CCDC62: variants seen among roughly 807,000 people sequenced by gnomAD.
CCDC62 encodes coiled-coil domain-containing protein 62.
Under a neutral mutation model 80.8 loss-of-function variants are expected in CCDC62, and 72 were observed. That is an observed-to-expected ratio of 0.89 (90% CI 0.74 to 1.08). The LOEUF is 1.08. Among genes scored for constraint, CCDC62 ranks in the 50% least tolerant of loss-of-function variants. CCDC62 has a pLI of 0.00. For missense variants in CCDC62, 704 were observed against 809.4 expected (o/e 0.87, Z 1.58); for synonymous variants, 286 against 296.5 (o/e 0.96, Z 0.36).
chr12:122,792,265 G>C (rs2030671969), intron 6 of CCDC62, 144 bp downstream of exon 6: 1 of 593,224 alleles, frequency 1.7e-6, no homozygotes, highest in African/African-American at 1.9e-5. Context: ...CTGTCACCCA[G>C]GCTGGAGTGC....
chr12:122,780,594 A>G (rs1402757064), intron 2 of CCDC62, among the ~76,000 whole-genome samples: 1 of 151,508 alleles, frequency 6.6e-6, no homozygotes, highest in Non-Finnish European at 1.5e-5. Context: ...AGCCTGGACA[A>G]CAGAGCAAGA....
At position 122,826,794 on chromosome 12, in the gene CCDC62, A is replaced by T. The variant is rs1465521827; in HGVS notation, c.*413A>T. ...GTGCTGTTTTAACTATCTGATTTTTAAAAAATCTGTGCATACATTTAAATT... is the reference window on the plus strand; with the variant it reads ...GTGCTGTTTTAACTATCTGATTTTTTAAAAATCTGTGCATACATTTAAATT... On this transcript the variant is annotated 3_prime_UTR_variant, in exon 13 of 13. Transcript: ENST00000253079. 3 of 213,646 alleles carry T rather than the reference A, an allele frequency of 1.4e-5. No homozygotes were observed. Among genetic ancestry groups the T allele is most frequent in the Non-Finnish European group, 2.8e-5 (3 of 109,044 alleles). The allele number at this position is 213,646 out of a possible 1,614,324, so 13.2% of individuals were successfully genotyped here. A position where few individuals can be genotyped will look rare whatever the true frequency, so the allele number is the denominator to read the frequency against.
At chr12:122,777,168 C>A in intron 1 of CCDC62, 1 of 225,002 alleles carries the variant, frequency 4.4e-6, no homozygotes, top group Admixed American at 5.4e-5. Context: ...TATTGACTGG[C>A]AGAGAAAAGG....
chr12:122,817,325 G>T lies in CCDC62; in HGVS notation c.2001+3906G>T, dbSNP rs376265186. On this transcript the variant is annotated intron_variant, in intron 11 of 12. Coordinates refer to ENST00000253079, the MANE Select transcript of CCDC62 (RefSeq NM_201435.5). Reference sequence around the variant, plus strand: ...TCCACCCGCCTCGGCCTCCCAAAGTGCTGGGATTACAGGCATGAGCCACCA... The same window carrying T: ...TCCACCCGCCTCGGCCTCCCAAAGTTCTGGGATTACAGGCATGAGCCACCA... 2.0e-4 allele frequency among the ~76,000 whole-genome samples: 30 copies of T among 151,636 alleles called. 1 individual carries two copies. In the South Asian group the frequency reaches 4.4e-3, roughly 22 times the overall value.
At chr12:122,778,893 C>G (rs377622934) in intron 2 of CCDC62, among the ~76,000 whole-genome samples, 28 of 119,856 alleles carry the variant, frequency 2.3e-4, no homozygotes, top group African/African-American at 1.0e-3. Flanking sequence ...AAGAAAGAAA[C>G]AAACAAAAAA....
chr12:122,790,390 T>G (rs1041224875), intron 5 of CCDC62, among the ~76,000 whole-genome samples: 16 of 152,082 alleles, frequency 1.1e-4, no homozygotes, highest in Middle Eastern at 6.8e-3. Context: ...TGGCTGGGCA[T>G]GATGGCTCAC....
chr12:122,797,354 A>G lies in CCDC62; in HGVS notation c.820A>G (p.Lys274Glu), dbSNP rs780106765. The G allele has an allele frequency of 1.2e-6, 2 of 1,602,250 alleles. No homozygotes were observed. Among genetic ancestry groups the G allele is most frequent in the East Asian group, 2.2e-5 (1 of 44,772 alleles). The change falls in exon 7 of 13, where the codon AAG becomes GAG. Residue 274 changes from lysine to glutamate, a missense_variant. By Grantham distance (56) the Lys-to-Glu change is moderately conservative. Transcript: ENST00000253079. ...TGAATTGCTTAATATTGCGAAGTCA[A>G]AGCAAGAACGCACAAATTCAGAACT... ...KDELLNIAKS[K>E]QERTNSELHN...
At chr12:122,817,450 G>A (rs1412298122) in intron 11 of CCDC62, among the ~76,000 whole-genome samples, 3 of 151,766 alleles carry the variant, frequency 2.0e-5, no homozygotes, top group Middle Eastern at 3.4e-3. Context: ...TCAGCCTCCT[G>A]AGTAGCTGGG....
Position 122,777,607 on chromosome 12 carries a change from C to T in CCDC62, c.153C>T (p.His51=), listed in dbSNP as rs769051226. 7 of 1,613,972 alleles carry T rather than the reference C, an allele frequency of 4.3e-6. No individual in the cohort carries two copies. In the Admixed American group the frequency reaches 1.2e-4, roughly 27 times the overall value. Residue 51 remains histidine (H), a synonymous_variant, in exon 2 of 13, where the codon CAC becomes CAT. Transcript: ENST00000253079. The stretch of plus-strand genomic sequence containing the variant: ...AGCTCAATGACATGGTTGCAGTGCA[C>T]CAGCAACAGCTTCTTTCATGGGAAG... ...DKELNDMVAV[H]QQQLLSWEED... is the part of the protein sequence containing the mutation.
intron 1 of CCDC62, chr12:122,777,243 A>G: frequency 7.6e-6 from 3 of 394,560 alleles, no homozygotes; most frequent in Non-Finnish European, 1.4e-5. Flanking sequence ...TGGGTTTTAG[A>G]AACAGTCCCA....
chr12:122,790,494 T>C (rs953023614), intron 5 of CCDC62, among the ~76,000 whole-genome samples: 1 of 152,040 alleles, frequency 6.6e-6, no homozygotes, highest in Non-Finnish European at 1.5e-5. Context: ...GGCAGAACCC[T>C]GTCTCTACAA....
chr12:122,777,427 G>A, intron 1 of CCDC62, 64 bp from the exon 2 acceptor site: 1 of 1,404,786 alleles, frequency 7.1e-7, no homozygotes, highest in Non-Finnish European at 9.7e-7. Context: ...TTTGGAAAAT[G>A]GACTTTGGCT....
At chr12:122,814,992 C>T (rs374180614) in intron 11 of CCDC62, among the ~76,000 whole-genome samples, 20 of 151,886 alleles carry the variant, frequency 1.3e-4, no homozygotes, top group African/African-American at 2.4e-4. Context: ...CTGCCATGCC[C>T]ACTCTGTTTG....
chr12:122,790,229 T>G (rs2030517256), intron 5 of CCDC62, among the ~76,000 whole-genome samples: 1 of 152,132 alleles, frequency 6.6e-6, no homozygotes, highest in South Asian at 2.1e-4. Flanking sequence ...TTTTGTATTT[T>G]TAGTAGAGAC....
At chr12:122,823,532 GT>G (rs2032495015) in intron 12 of CCDC62, 73 bp downstream of exon 12, 2 of 774,590 alleles carry the variant, frequency 2.6e-6, no homozygotes, top group African/African-American at 1.7e-5. Context: ...CATCGATAAC[GT>G]TGAGTCAAGG....
chr12:122,814,770 A>G (rs1426443947), intron 11 of CCDC62, among the ~76,000 whole-genome samples: 1 of 151,812 alleles, frequency 6.6e-6, no homozygotes, highest in African/African-American at 2.4e-5. Context: ...GGCCTCCCAA[A>G]GTGTTGGGAT....
At position 122,816,932 on chromosome 12, in the gene CCDC62, A is replaced by G. The variant is rs539376595; in HGVS notation, c.2001+3513A>G. Among the ~76,000 whole-genome samples, 4 of 152,212 alleles carry G rather than the reference A, an allele frequency of 2.6e-5. No individual in the cohort carries two copies. The South Asian group carries it at 8.3e-4, about 32-fold the overall frequency. ...TTACCACAATCTACTTTCTGTCTCT[A>G]TGGATTTGTTGGACAGATAATTTTA... On this transcript the variant is annotated intron_variant, in intron 11 of 12. Coordinates refer to ENST00000253079, the MANE Select transcript of CCDC62 (RefSeq NM_201435.5).
intron 4 of CCDC62, among the ~76,000 whole-genome samples, chr12:122,788,142 G>A (rs553048521): frequency 1.3e-5 from 2 of 152,318 alleles, no homozygotes; most frequent in South Asian, 2.1e-4. Flanking sequence ...TTCCAGGTGA[G>A]TGGGGGAGGG....
chr12:122,789,933 A>G (rs190345452), intron 5 of CCDC62, among the ~76,000 whole-genome samples: 7,551 of 142,336 alleles, frequency 0.053, 274 homozygotes, highest in Non-Finnish European at 0.078. Flanking sequence ...CACAAGGGCT[A>G]CACTCTAGGT....
Sources: gnomAD v4.1 joint callset for allele counts (sites outside exome capture counted in the v4.1 genomes callset) on GRCh38, gnomAD v4.1.1 for gene constraint, MANE v1.5 for transcripts, NCBI Gene and HGNC (gene_info 2026-07-23, HGNC 2026-07-21) for gene names.